Variants in TRMT11 observed in about 807,000 individuals in gnomAD.
The protein encoded by TRMT11 is tRNA (guanine(10)-N(2))-methyltransferase TRMT11.
Under a neutral mutation model 62.8 loss-of-function variants are expected in TRMT11, and 53 were observed. The ratio of observed to expected loss-of-function variants is 0.84; its 90% CI spans 0.68 to 1.06. The LOEUF (loss-of-function observed/expected upper bound fraction) is 1.06. Ranked by LOEUF, TRMT11 falls within the 50% of genes least tolerant of loss-of-function variation. TRMT11 has a pLI of 0.00. For missense variants in TRMT11, 556 were observed against 553.4 expected (o/e 1.00, Z -0.05); for synonymous variants, 188 against 190.3 (o/e 0.99, Z 0.10).
At chr6:126,028,567 C>T (rs1773612614) in intron 12 of TRMT11, among the ~76,000 whole-genome samples, 1 of 152,112 alleles carries the variant, frequency 6.6e-6, no homozygotes, top group South Asian at 2.1e-4. Context: ...TTTTCAGGTT[C>T]ATTTGGTCTA....
the TRMT11 span, among the ~76,000 whole-genome samples, chr6:126,263,182 A>G: frequency 6.6e-5 from 10 of 152,196 alleles, no homozygotes; most frequent in African/African-American, 2.4e-4. Context: ...ACTTTTTCCA[A>G]TTTTAAATTA....
intron 17 of TRMT11, among the ~76,000 whole-genome samples, chr6:126,072,753 A>T (rs1377418522): frequency 1.3e-5 from 2 of 152,140 alleles, no homozygotes; most frequent in Non-Finnish European, 2.9e-5. Context: ...TGGCTTGCAG[A>T]TGTGTCTTAT....
At chr6:126,237,911 G>T in the TRMT11 span, among the ~76,000 whole-genome samples, 1 of 152,146 alleles carries the variant, frequency 6.6e-6, no homozygotes, top group African/African-American at 2.4e-5. Flanking sequence ...TCCATTCAGA[G>T]ATTCAACTTC....
chr6:126,111,653 A>G (rs143526091), intron 17 of TRMT11, among the ~76,000 whole-genome samples: 1 of 152,244 alleles, frequency 6.6e-6, no homozygotes, highest in Non-Finnish European at 1.5e-5. Flanking sequence ...TGCAGTTCAC[A>G]CAGGACATGT....
chr6:126,103,621 A>G (rs770696439), intron 17 of TRMT11, among the ~76,000 whole-genome samples: 3 of 152,182 alleles, frequency 2.0e-5, no homozygotes, highest in Admixed American at 6.5e-5. Context: ...TGTGGTTGTA[A>G]GACTGAGGGC....
upstream of TRMT11, among the ~76,000 whole-genome samples, chr6:126,174,389 A>G (rs561647786): frequency 1.3e-5 from 2 of 152,228 alleles, no homozygotes; most frequent in Non-Finnish European, 2.9e-5. Context: ...TCGTATCTGT[A>G]CTTCTTGACA....
downstream of TRMT11, among the ~76,000 whole-genome samples, chr6:126,203,966 T>C (rs1778766181): frequency 6.6e-6 from 1 of 151,670 alleles, no homozygotes; most frequent in African/African-American, 2.4e-5. Flanking sequence ...TATTAATGTG[T>C]TCTGTTTTCA....
At chr6:125,994,339 T>C (rs1441723229) in intron 2 of TRMT11, among the ~76,000 whole-genome samples, 1 of 152,110 alleles carries the variant, frequency 6.6e-6, no homozygotes, top group African/African-American at 2.4e-5. Context: ...TACTTTTTTT[T>C]CCCTATTGTA....
intron 17 of TRMT11, among the ~76,000 whole-genome samples, chr6:126,070,048 AC>A (rs1216858660): frequency 6.6e-6 from 1 of 152,136 alleles, no homozygotes; most frequent in African/African-American, 2.4e-5. Context: ...TCAAAATAAA[AC>A]CAAACATACA....
the TRMT11 span, chr6:126,258,072 TC>T: frequency 9.0e-7 from 1 of 1,115,514 alleles, no homozygotes; most frequent in Non-Finnish European, 1.4e-6. Flanking sequence ...CAGGAGTTCA[TC>T]CACGTCAATC....
chr6:126,050,329 C>CAA lies in TRMT11; in HGVS notation c.*1370-2775_*1370-2774dup, dbSNP rs536546298. Reference sequence around the variant, plus strand: ...TGGACAACAGAGCAAGACTTCATCTCAAAAAAAAAAAAAAAAAAAATAGAC... The same window carrying CAA: ...TGGACAACAGAGCAAGACTTCATCTCAAAAAAAAAAAAAAAAAAAAAATAGAC... On this transcript the variant is annotated intron_variant and NMD_transcript_variant, in intron 16 of 22. Coordinates refer to the TRMT11 transcript ENST00000648977. Among the ~76,000 whole-genome samples, 257 of 68,410 alleles carry CAA rather than the reference C, an allele frequency of 3.8e-3. 4 individuals carry two copies. Among genetic ancestry groups the CAA allele is most frequent in the Middle Eastern group, 0.027 (3 of 112 alleles). The allele number at this position is 68,410 out of a possible 152,430, so 44.9% of individuals were successfully genotyped here.
the TRMT11 span, among the ~76,000 whole-genome samples, chr6:126,269,480 T>A: frequency 1.3e-5 from 2 of 152,188 alleles, no homozygotes; most frequent in Admixed American, 1.3e-4. Flanking sequence ...GTTAAATCTT[T>A]ATATCAGATA....
chr6:126,099,888 G>T (rs1442972138), intron 17 of TRMT11, among the ~76,000 whole-genome samples: 3 of 152,218 alleles, frequency 2.0e-5, no homozygotes, highest in Non-Finnish European at 1.5e-5. Flanking sequence ...GTGGTTGTGG[G>T]TCTGGAAGAG....
chr6:126,239,454 C>T, the TRMT11 span, among the ~76,000 whole-genome samples: 1 of 152,092 alleles, frequency 6.6e-6, no homozygotes, highest in Non-Finnish European at 1.5e-5. Flanking sequence ...TTTTATTTCT[C>T]CTTCACTTAT....
chr6:126,238,023 T>C, the TRMT11 span, among the ~76,000 whole-genome samples: 2 of 152,342 alleles, frequency 1.3e-5, no homozygotes, highest in South Asian at 4.1e-4. Context: ...TATTCTCTGA[T>C]GGTAGTTTGT....
At chr6:126,186,818 C>T (rs564581071) in intron 1 of TRMT11, among the ~76,000 whole-genome samples, 9 of 152,004 alleles carry the variant, frequency 5.9e-5, no homozygotes, top group East Asian at 3.9e-4. Flanking sequence ...TTTCTGATCA[C>T]GAGAGCTCAT....
intron 17 of TRMT11, among the ~76,000 whole-genome samples, chr6:126,102,274 A>G (rs763431288): frequency 6.6e-6 from 1 of 152,196 alleles, no homozygotes; most frequent in Non-Finnish European, 1.5e-5. Flanking sequence ...AGTTTGAACT[A>G]ACTATATTAA....
At chr6:126,029,175 T>C (rs1215539620) in intron 12 of TRMT11, among the ~76,000 whole-genome samples, 6 of 152,218 alleles carry the variant, frequency 3.9e-5, no homozygotes, top group African/African-American at 1.2e-4. Context: ...TCTGGTGTTA[T>C]TCAAATTCAC....
chr6:126,006,892 T>A (rs1264160028), intron 7 of TRMT11: 1 of 152,008 alleles, frequency 6.6e-6, no homozygotes, highest in Non-Finnish European at 1.5e-5. Context: ...ACCAAATGGA[T>A]AAGGTTCTGT....
Sources: gnomAD v4.1 joint callset for allele counts (sites outside exome capture counted in the v4.1 genomes callset) on GRCh38, gnomAD v4.1.1 for gene constraint, MANE v1.5 for transcripts, NCBI Gene and HGNC (gene_info 2026-07-23, HGNC 2026-07-21) for gene names.